The following EYA3 variants were observed in gnomAD, a reference collection of about 807,000 sequenced individuals.
The protein encoded by EYA3 is EYA transcriptional coactivator and phosphatase 3.
Under a neutral mutation model 80.0 loss-of-function variants are expected in EYA3, and 39 were observed. The observed-to-expected ratio is 0.49, with a 90% CI of 0.38 to 0.64. The LOEUF is 0.64. Ranked by LOEUF, EYA3 falls within the 30% of genes least tolerant of loss-of-function variation. The pLI is 0.00. For synonymous variants in EYA3, 206 were observed against 232.8 expected (o/e 0.88, Z 1.05); for missense variants, 523 against 676.1 (o/e 0.77, Z 2.51).
chr1:28,087,856 C>G (rs549460886), intron 1 of EYA3, among the ~76,000 whole-genome samples: 35 of 152,336 alleles, frequency 2.3e-4, no homozygotes, highest in African/African-American at 7.9e-4. Context: ...GAACTAGGAA[C>G]GCCTTTGTTG....
At chr1:28,051,738 GTACAA>G (rs1214193239) in intron 2 of EYA3, among the ~76,000 whole-genome samples, 4 of 151,786 alleles carry the variant, frequency 2.6e-5, no homozygotes, top group Non-Finnish European at 4.4e-5. Context: ...AGAAGAAGAA[GTACAA>G]TACACGTTAA....
intron 2 of EYA3, among the ~76,000 whole-genome samples, chr1:28,050,497 T>C (rs1644206772): frequency 6.6e-6 from 1 of 152,040 alleles, no homozygotes; most frequent in Non-Finnish European, 1.5e-5. Flanking sequence ...CCACTGCGCC[T>C]GGCCAAAAAT....
intron 1 of EYA3, among the ~76,000 whole-genome samples, chr1:28,069,297 G>C (rs1341255947): frequency 6.6e-6 from 1 of 151,170 alleles, no homozygotes; most frequent in African/African-American, 2.4e-5. Context: ...TTTTAGTAGA[G>C]ACAGTCTCAC....
intron 2 of EYA3, among the ~76,000 whole-genome samples, chr1:28,055,462 C>CT (rs531586344): frequency 0.019 from 2,073 of 106,930 alleles, 84 homozygotes; most frequent in African/African-American, 0.046. Context: ...TAAAGAAAAT[C>CT]TTTTTTTTTT....
At chr1:27,975,184 C>A (rs1009860054) in intron 17 of EYA3, among the ~76,000 whole-genome samples, 23 of 149,910 alleles carry the variant, frequency 1.5e-4, no homozygotes, top group African/African-American at 4.9e-4. Context: ...CCATATTTTA[C>A]TTTTTATTTT....
intron 14 of EYA3, among the ~76,000 whole-genome samples, chr1:27,991,210 A>G (rs183025552): frequency 1.5e-4 from 23 of 152,236 alleles, no homozygotes; most frequent in South Asian, 4.2e-4. Flanking sequence ...ACGAAACCCA[A>G]TGAAAAAAAG....
chr1:28,058,079 C>T lies in EYA3; in HGVS notation c.-53G>A. 1 of 1,445,072 alleles carries T rather than the reference C, an allele frequency of 6.9e-7. No homozygotes were observed. The highest frequency in any genetic ancestry group is 2.0e-5 in the Admixed American group (1 of 49,634). The allele number at this position is 1,445,072 out of a possible 1,614,324, so 89.5% of individuals were successfully genotyped here. On this transcript the variant is annotated 5_prime_UTR_variant, in exon 2 of 18. Coordinates refer to ENST00000373871, the MANE Select transcript of EYA3 (RefSeq NM_001990.4). ...ATGTGACTGGATTGCAAGTCTCTCTCAGCAGTTTTCACAATCTGTTTTTAA... is the reference window on the plus strand; with the variant it reads ...ATGTGACTGGATTGCAAGTCTCTCTTAGCAGTTTTCACAATCTGTTTTTAA...
chr1:27,997,353 T>C lies in EYA3; in HGVS notation c.1109A>G (p.Asp370Gly). ...TTGGCCATTGTCATCAGAAGCCACA[T>C]CTTCCACATGTACCTGGTCACACTC... ...LEECDQVHVE[D>G]VASDDNGQDL... Residue 370 changes from aspartate (D) to glycine (G), a missense_variant, in exon 13 of 18, where the codon GAT becomes GGT. This residue lies in a region of EYA3 where 219 missense variants were observed against 332.8 expected (regional missense o/e 0.66). Coordinates refer to ENST00000373871, the MANE Select transcript of EYA3 (RefSeq NM_001990.4). The C allele has an allele frequency of 6.2e-7, 1 of 1,614,172 alleles. No homozygotes were observed. Among genetic ancestry groups the C allele is most frequent in the Non-Finnish European group, 8.5e-7 (1 of 1,180,004 alleles).
chr1:28,016,732 A>C (rs1205293601), intron 8 of EYA3, among the ~76,000 whole-genome samples: 3 of 152,206 alleles, frequency 2.0e-5, no homozygotes, highest in Admixed American at 2.0e-4. Flanking sequence ...GTGATCAAGA[A>C]TAGACCACAA....
chr1:28,064,222 G>A (rs1371423650), intron 1 of EYA3, among the ~76,000 whole-genome samples: 5 of 151,952 alleles, frequency 3.3e-5, no homozygotes, highest in Admixed American at 6.5e-5. Context: ...CCATTGAGAC[G>A]TTGCTTTCAA....
chr1:28,056,390 ACT>A (rs931447700), intron 2 of EYA3, among the ~76,000 whole-genome samples: 1 of 151,256 alleles, frequency 6.6e-6, no homozygotes. Context: ...CCTTCCTCCC[ACT>A]CTTTTTTGCC....
intron 1 of EYA3, among the ~76,000 whole-genome samples, chr1:28,070,881 T>C (rs546734246): frequency 3.9e-5 from 6 of 152,172 alleles, no homozygotes; most frequent in Non-Finnish European, 8.8e-5. Flanking sequence ...TCAACACTAG[T>C]ATTTGCAAGA....
intron 2 of EYA3, among the ~76,000 whole-genome samples, chr1:28,057,050 T>C (rs1394191459): frequency 6.6e-6 from 1 of 152,192 alleles, no homozygotes; most frequent in Non-Finnish European, 1.5e-5. Context: ...TACCAGTTGC[T>C]AATGTCTTCC....
intron 1 of EYA3, among the ~76,000 whole-genome samples, chr1:28,079,393 C>T (rs531316529): frequency 3.9e-5 from 6 of 152,216 alleles, no homozygotes; most frequent in Non-Finnish European, 8.8e-5. Flanking sequence ...CAAACTGCTT[C>T]ATTCCTCAGT....
In EYA3 at chr1:27,989,677, T is replaced by C. The variant is rs1383571964; in HGVS notation, c.1418+20A>G. Reference sequence around the variant, plus strand: ...AATATGTCGCTGAGAGGATGAGACCTAAAAGAACCATTTCCATACCTGGAC... The same window carrying C: ...AATATGTCGCTGAGAGGATGAGACCCAAAAGAACCATTTCCATACCTGGAC... On this transcript the variant is annotated intron_variant, in intron 15 of 17. Coordinates refer to ENST00000373871, the MANE Select transcript of EYA3 (RefSeq NM_001990.4). 4.0e-6 allele frequency: 6 copies of C among 1,518,796 alleles called. No homozygotes were observed. The highest frequency in any genetic ancestry group is 1.8e-6 in the Non-Finnish European group (2 of 1,099,082). The allele number at this position is 1,518,796 out of a possible 1,614,324, so 94.1% of individuals were successfully genotyped here.
intron 7 of EYA3, among the ~76,000 whole-genome samples, chr1:28,023,090 G>C (rs763518327): frequency 3.9e-5 from 5 of 127,150 alleles, no homozygotes; most frequent in Non-Finnish European, 8.2e-5. Flanking sequence ...GGTGGGGGGG[G>C]GGGGGAAAAC....
intron 1 of EYA3, among the ~76,000 whole-genome samples, chr1:28,065,029 C>T (rs952489096): frequency 1.3e-5 from 2 of 152,190 alleles, no homozygotes; most frequent in Admixed American, 1.3e-4. Flanking sequence ...GAATTGTATA[C>T]AGTAGTCTCC....
chr1:27,993,354 A>C (rs1640203744), intron 14 of EYA3, 46 bp downstream of exon 14: 1 of 1,581,174 alleles, frequency 6.3e-7, no homozygotes, highest in African/African-American at 1.4e-5. Context: ...AAAAGGAGGA[A>C]ACCAGGAAGA....
At chr1:28,037,718 T>G (rs888865501) in intron 5 of EYA3, among the ~76,000 whole-genome samples, 1 of 152,220 alleles carries the variant, frequency 6.6e-6, no homozygotes, top group Non-Finnish European at 1.5e-5. Context: ...GATTAAAAAT[T>G]AGAAGAACTC....
Sources: allele counts gnomAD v4.1 joint callset (sites outside exome capture counted in the v4.1 genomes callset), GRCh38; gene constraint gnomAD v4.1.1; regional missense constraint gnomAD v4.1.1; transcripts MANE v1.5; gene names NCBI Gene and HGNC (gene_info 2026-07-23, HGNC 2026-07-21).